The following NXPE2 variants were observed in gnomAD, a reference collection of about 807,000 sequenced individuals.
NXPE2 encodes the protein NXPE family member 2.
A neutral mutation model predicts 34.4 loss-of-function variants in NXPE2; 34 were observed. That is an observed-to-expected ratio of 0.99 (90% CI 0.75 to 1.31). The LOEUF (loss-of-function observed/expected upper bound fraction) is 1.31, where lower values mean the gene tolerates loss of function less well. NXPE2 is among the 40% of genes most tolerant of loss of function. The pLI, the probability that NXPE2 is intolerant of heterozygous loss-of-function variation, is 0.00. For missense variants in NXPE2, 649 were observed against 672.5 expected (o/e 0.97, Z 0.39); for synonymous variants, 235 against 231.3 (o/e 1.02, Z -0.15).
chr11:114,489,068 A>G, the NXPE2 span, among the ~76,000 whole-genome samples: 5 of 152,236 alleles, frequency 3.3e-5, no homozygotes, highest in Non-Finnish European at 7.3e-5. Context: ...CCATCAGAGA[A>G]TACTATAAAC....
At chr11:114,668,407 AC>A in the NXPE2 span, among the ~76,000 whole-genome samples, 4 of 151,918 alleles carry the variant, frequency 2.6e-5, no homozygotes, top group Non-Finnish European at 1.5e-5. Context: ...GTTTTAAATT[AC>A]TAAGTTACAC....
chr11:114,483,851 C>T, the NXPE2 span, among the ~76,000 whole-genome samples: 2 of 152,178 alleles, frequency 1.3e-5, no homozygotes, highest in Admixed American at 1.3e-4. Flanking sequence ...AAGCTTGCAT[C>T]ACCTCGTGGT....
At chr11:114,798,897 GC>G in the NXPE2 span, among the ~76,000 whole-genome samples, 3 of 152,090 alleles carry the variant, frequency 2.0e-5, no homozygotes, top group Non-Finnish European at 4.4e-5. Context: ...CCTCCTGGCT[GC>G]CCCTCCCTCA....
chr11:114,810,823 C>T, the NXPE2 span, among the ~76,000 whole-genome samples: 2 of 152,190 alleles, frequency 1.3e-5, no homozygotes, highest in Middle Eastern at 6.8e-3. Context: ...TTTGACCCAG[C>T]CATCCCATTA....
the NXPE2 span, among the ~76,000 whole-genome samples, chr11:114,663,937 A>C: frequency 6.6e-6 from 1 of 152,184 alleles, no homozygotes; most frequent in Non-Finnish European, 1.5e-5. Flanking sequence ...ACTTTGGCAC[A>C]TTGCTGATGG....
chr11:114,571,041 A>G, the NXPE2 span: 37 of 1,613,802 alleles, frequency 2.3e-5, no homozygotes, highest in Admixed American at 4.7e-4. Flanking sequence ...CCAGGCATCA[A>G]TGATACTCAC....
the NXPE2 span, chr11:114,571,127 A>G: frequency 6.2e-7 from 1 of 1,613,980 alleles, no homozygotes; most frequent in Non-Finnish European, 8.5e-7. Context: ...TTTCTGCATC[A>G]TTGTACATCT....
chr11:114,812,427 A>T, the NXPE2 span, among the ~76,000 whole-genome samples: 1 of 152,338 alleles, frequency 6.6e-6, no homozygotes, highest in African/African-American at 2.4e-5. Flanking sequence ...GTGGCACTGG[A>T]AAGGGGCAAG....
chr11:114,639,754 A>G, the NXPE2 span, among the ~76,000 whole-genome samples: 8 of 129,898 alleles, frequency 6.2e-5, no homozygotes, highest in African/African-American at 2.3e-4. Flanking sequence ...TATAATATAT[A>G]TTATATTAAA....
the NXPE2 span, among the ~76,000 whole-genome samples, chr11:114,785,464 C>T: frequency 1.3e-5 from 2 of 151,944 alleles, no homozygotes; most frequent in South Asian, 2.1e-4. Context: ...TTTTATTTGC[C>T]GTGTTATTTG....
the NXPE2 span, among the ~76,000 whole-genome samples, chr11:114,613,482 G>T: frequency 6.6e-6 from 1 of 151,622 alleles, no homozygotes; most frequent in Non-Finnish European, 1.5e-5. Context: ...GTATTGCCTC[G>T]TGGGTAACCA....
At chr11:114,627,649 G>T in the NXPE2 span, among the ~76,000 whole-genome samples, 264 of 151,546 alleles carry the variant, frequency 1.7e-3, 1 homozygote, top group Middle Eastern at 3.4e-3. Flanking sequence ...ATAATGACAG[G>T]ATCAAATTCA....
chr11:114,660,606 G>C, the NXPE2 span, among the ~76,000 whole-genome samples: 1 of 151,854 alleles, frequency 6.6e-6, no homozygotes, highest in Non-Finnish European at 1.5e-5. Context: ...ATGGAAAGGA[G>C]TTTTCTTAAC....
At chr11:114,701,504 C>A (rs978285811) in intron 3 of NXPE2, among the ~76,000 whole-genome samples, 7 of 152,112 alleles carry the variant, frequency 4.6e-5, no homozygotes, top group African/African-American at 1.7e-4. Flanking sequence ...TAAGTCCTTC[C>A]CAGATCCCCT....
chr11:114,517,183 A>G, the NXPE2 span, among the ~76,000 whole-genome samples: 154 of 152,280 alleles, frequency 1.0e-3, no homozygotes, highest in East Asian at 2.9e-3. Flanking sequence ...GGTTCTCAGT[A>G]TATATCATTA....
At chr11:114,475,877 C>T in the NXPE2 span, among the ~76,000 whole-genome samples, 1 of 152,202 alleles carries the variant, frequency 6.6e-6, no homozygotes, top group Non-Finnish European at 1.5e-5. Flanking sequence ...CAACTACACA[C>T]TTGGCCATCT....
chr11:114,780,741 G>T, the NXPE2 span, among the ~76,000 whole-genome samples: 19 of 152,326 alleles, frequency 1.2e-4, no homozygotes, highest in African/African-American at 2.4e-5. Context: ...CCTTATGGAG[G>T]TATGATTTCA....
At chr11:114,757,835 G>C in the NXPE2 span, among the ~76,000 whole-genome samples, 21 of 152,282 alleles carry the variant, frequency 1.4e-4, no homozygotes, top group Middle Eastern at 3.4e-3. Context: ...ACATTCAGGA[G>C]CAGTGGCATT....
intron 2 of NXPE2, among the ~76,000 whole-genome samples, chr11:114,687,180 C>G (rs1316731798): frequency 6.6e-6 from 1 of 152,032 alleles, no homozygotes; most frequent in African/African-American, 2.4e-5. Context: ...GTTATAAATT[C>G]TTTGCCTGGG....
Sources: allele counts gnomAD v4.1 joint callset (sites outside exome capture counted in the v4.1 genomes callset), GRCh38; gene constraint gnomAD v4.1.1; transcripts MANE v1.5; gene names NCBI Gene and HGNC (gene_info 2026-07-23, HGNC 2026-07-21).